The following RGS19 variants were observed in gnomAD, a reference collection of about 807,000 sequenced individuals.
RGS19 encodes regulator of G protein signaling 19, also known as G alpha interacting protein.
In RGS19, 9 loss-of-function variants were observed where a neutral mutation model predicts 22.0. The observed-to-expected ratio is 0.41, with a 90% CI of 0.25 to 0.71. The LOEUF (loss-of-function observed/expected upper bound fraction) is 0.71, where lower values mean the gene tolerates loss of function less well. RGS19 is among the 30% of genes least tolerant of loss of function. RGS19 has a pLI of 0.32. For synonymous variants in RGS19, 130 were observed against 127.3 expected (o/e 1.02, Z -0.14); for missense variants, 256 against 307.1 (o/e 0.83, Z 1.24).
chr20:64,076,487 G>A (rs750115022), intron 3 of RGS19, 38 bp downstream of exon 3: 64 of 1,610,132 alleles, frequency 4.0e-5, no homozygotes, highest in Middle Eastern at 1.7e-4. Flanking sequence ...CCATGCCCTC[G>A]ACCCCCTCGC....
At position 64,076,934 on chromosome 20, in the gene RGS19, C is replaced by A; in HGVS notation, c.-48G>T. ...AGGCTCCGTGGTACCAGCTCTCAGACCCTCACCACAGCCTGGGGGTCTGGG... is the reference window on the plus strand; with the variant it reads ...AGGCTCCGTGGTACCAGCTCTCAGAACCTCACCACAGCCTGGGGGTCTGGG... On this transcript the variant is annotated 5_prime_UTR_variant, in exon 2 of 6. Transcript: ENST00000395042. 1 of 1,475,974 alleles carries A rather than the reference C, an allele frequency of 6.8e-7. No individual in the cohort carries two copies. The highest frequency in any genetic ancestry group is 1.4e-5 in the African/African-American group (1 of 69,776). 91.4% of individuals were successfully genotyped at this position (1,475,974 alleles called of 1,614,324 possible).
intron 3 of RGS19, among the ~76,000 whole-genome samples, chr20:64,074,997 G>C (rs1199718553): frequency 6.6e-6 from 1 of 152,224 alleles, no homozygotes; most frequent in Non-Finnish European, 1.5e-5. Context: ...TGCTCCCCTG[G>C]GGGAGATGGG....
In RGS19 at chr20:64,075,231, G is replaced by A. The variant is rs545505590; in HGVS notation, c.153-690C>T. 2.0e-5 allele frequency among the ~76,000 whole-genome samples: 3 copies of A among 152,298 alleles called. No homozygotes were observed. The highest frequency in any genetic ancestry group is 7.2e-5 in the African/African-American group (3 of 41,570). Reference sequence around the variant, plus strand: ...TGGCCTGTCCCTGTCCCACCGATGGGGTCACACGCTGCAGGTCTGGCGTGT... The same window carrying A: ...TGGCCTGTCCCTGTCCCACCGATGGAGTCACACGCTGCAGGTCTGGCGTGT... On this transcript the variant is annotated intron_variant, in intron 3 of 5. Coordinates refer to ENST00000395042, the MANE Select transcript of RGS19 (RefSeq NM_005873.3). The surrounding 1 kb of genome is among the most constrained non-coding windows in gnomAD (Gnocchi z 4.6).
At chr20:64,077,379 TG>T (rs2059913849) in intron 1 of RGS19, among the ~76,000 whole-genome samples, 1 of 145,366 alleles carries the variant, frequency 6.9e-6, no homozygotes, top group Non-Finnish European at 1.5e-5. Flanking sequence ...GGGTGGGGAG[TG>T]GGCAGAGTGG....
At chr20:64,078,519 T>TC (rs977125693) in intron 1 of RGS19, among the ~76,000 whole-genome samples, 1 of 152,086 alleles carries the variant, frequency 6.6e-6, no homozygotes, top group Non-Finnish European at 1.5e-5. Flanking sequence ...CCTGAGACTG[T>TC]CCCCCTGGGC....
chr20:64,075,240 C>T lies in RGS19; in HGVS notation c.153-699G>A, dbSNP rs1208885944. Among the ~76,000 whole-genome samples, 1 of 152,244 alleles carries T rather than the reference C, an allele frequency of 6.6e-6. No homozygotes were observed. Among genetic ancestry groups the T allele is most frequent in the African/African-American group, 2.4e-5 (1 of 41,468 alleles). On this transcript the variant is annotated intron_variant, in intron 3 of 5. Transcript: ENST00000395042. This position sits in a 1 kb window ranked among gnomAD's most constrained non-coding sequence, Gnocchi z 4.6. ...CCTGTCCCACCGATGGGGTCACACG[C>T]TGCAGGTCTGGCGTGTCAGCAGTGT...
At chr20:64,076,711 C>T (rs1461820583) in intron 2 of RGS19, 65 bp from the exon 3 acceptor site, 12 of 1,530,000 alleles carry the variant, frequency 7.8e-6, no homozygotes, top group Admixed American at 1.9e-5. Context: ...ACCTCTCCCC[C>T]ACCTTCCCAT....
intron 1 of RGS19, among the ~76,000 whole-genome samples, chr20:64,077,695 G>A (rs1453981131): frequency 6.6e-6 from 1 of 152,204 alleles, no homozygotes; most frequent in Admixed American, 6.5e-5. Flanking sequence ...AGGGGTGGGG[G>A]GCACCCTGCT....
chr20:64,074,870 C>A (rs1261834751), intron 3 of RGS19, among the ~76,000 whole-genome samples: 1 of 152,220 alleles, frequency 6.6e-6, no homozygotes, highest in Non-Finnish European at 1.5e-5. Flanking sequence ...CAGGAGGGGC[C>A]CTTCGGCTCC....
rs368667335 is a variant in RGS19 at position 64,073,518 on chromosome 20, A to G, written c.*335T>C. 5 of 233,940 alleles carry G rather than the reference A, an allele frequency of 2.1e-5. No individual in the cohort carries two copies. The East Asian group carries it at 2.7e-4, about 13-fold the overall frequency. 14.5% of individuals were successfully genotyped at this position (233,940 alleles called of 1,614,324 possible). On this transcript the variant is annotated 3_prime_UTR_variant, in exon 6 of 6. Transcript: ENST00000395042. ...GCTGCCTGGGGAGGAGGCCCCAGCG[A>G]GGCTCATGGGTCCAGCATGGCTCCT...
In RGS19 at chr20:64,074,384, G is replaced by A. The variant is rs374630216; in HGVS notation, c.228-6C>T. 1.9e-6 allele frequency: 3 copies of A among 1,602,152 alleles called. No homozygotes were observed. The East Asian group carries it at 6.8e-5, about 36-fold the overall frequency. On this transcript the variant is annotated splice_polypyrimidine_tract_variant and splice_region_variant and intron_variant, in intron 4 of 5. Transcript: ENST00000395042. ...CCTCAGGACTTGGCGTGGCACTGTG[G>A]GCACGGGGGCCAGGCTATGTCAGGC...
chr20:64,078,435 T>C (rs2059926984), intron 1 of RGS19, among the ~76,000 whole-genome samples: 1 of 152,168 alleles, frequency 6.6e-6, no homozygotes, highest in South Asian at 2.1e-4. Context: ...GACGGGGCTG[T>C]CTGTGGCTTC....
Position 64,074,189 on chromosome 20 carries a change from C to A in RGS19, c.417G>T (p.Ala139=). The A allele has an allele frequency of 1.2e-6, 2 of 1,614,088 alleles. No individual in the cohort carries two copies. Among genetic ancestry groups the A allele is most frequent in the African/African-American group, 1.3e-5 (1 of 75,056 alleles). ...EANQHVVDEK[A]RLIYEDYVSI... ...ATACGTAGTCCTCGTAGATGAGCCTCGCCTTCTCGTCTACCACATGCTGGT... is the reference window on the plus strand; with the variant it reads ...ATACGTAGTCCTCGTAGATGAGCCTAGCCTTCTCGTCTACCACATGCTGGT... Residue 139 remains alanine, a synonymous_variant, in exon 5 of 6, where the codon GCG becomes GCT. Transcript: ENST00000395042.
chr20:64,076,128 A>G (rs4470390), intron 3 of RGS19, among the ~76,000 whole-genome samples: 120,868 of 152,120 alleles, frequency 0.79, 48,148 homozygotes, highest in East Asian at 0.92. Context: ...TGATCCGCCC[A>G]CCTTGCCCTC....
At position 64,073,996 on chromosome 20, in the gene RGS19, C is replaced by G. The variant is rs1489106142; in HGVS notation, c.511G>C (p.Glu171Gln). ...VREGINKKMQ[E>Q]PSAHTFDDAQ... is the part of the protein sequence containing the mutation. ...TCGTCGAACGTGTGTGCGGACGGCT[C>G]CTGCATCTTCTTGTTGATGCCCTCC... Residue 171 changes from glutamate (E) to glutamine (Q), a missense_variant, in exon 6 of 6, where the codon GAG (glutamate) becomes CAG (glutamine). Transcript: ENST00000395042. 1 of 1,613,698 alleles carries G rather than the reference C, an allele frequency of 6.2e-7. No individual in the cohort carries two copies. The highest frequency in any genetic ancestry group is 1.7e-5 in the Admixed American group (1 of 60,010).
intron 5 of RGS19, 29 bp downstream of exon 5, chr20:64,074,115 C>A: frequency 6.2e-7 from 1 of 1,605,578 alleles, no homozygotes; most frequent in Non-Finnish European, 8.5e-7. Flanking sequence ...GAGCAGGCGG[C>A]CCCCGGCCTG....
In RGS19 at chr20:64,076,901, G is replaced by T. The variant is rs751127014; in HGVS notation, c.-15C>A. 2 of 1,519,268 alleles carry T rather than the reference G, an allele frequency of 1.3e-6. No individual in the cohort carries two copies. The highest frequency in any genetic ancestry group is 2.6e-5 in the South Asian group (2 of 76,576). The allele number at this position is 1,519,268 out of a possible 1,614,324, so 94.1% of individuals were successfully genotyped here. A position where few individuals can be genotyped will look rare whatever the true frequency, so the allele number is the denominator to read the frequency against. ...GGGGTGGGCATGGGTGGGCGGAGGA[G>T]GTTGCCCAGGCTCCGTGGTACCAGC... is the stretch of plus-strand genomic sequence containing the variant. On this transcript the variant is annotated 5_prime_UTR_variant, in exon 2 of 6. Transcript: ENST00000395042.
Position 64,075,722 on chromosome 20 carries a change from C to T in RGS19, c.152+803G>A, listed in dbSNP as rs983516094. ...CCACCCTCACAGGGATGCCCAGAGA[C>T]GTCCCCGCCACCGCCCCCTGCTCTT... On this transcript the variant is annotated intron_variant, in intron 3 of 5. Transcript: ENST00000395042. This position sits in a 1 kb window ranked among gnomAD's most constrained non-coding sequence, Gnocchi z 4.6. Among the ~76,000 whole-genome samples the T allele has an allele frequency of 2.0e-5, 3 of 152,168 alleles. No homozygotes were observed. The highest frequency in any genetic ancestry group is 2.4e-5 in the African/African-American group (1 of 41,438).
chr20:64,076,913 T>C lies in RGS19; in HGVS notation c.-27A>G. On this transcript the variant is annotated 5_prime_UTR_variant, in exon 2 of 6. Transcript: ENST00000395042. ...GGTGGGCGGAGGAGGTTGCCCAGGC[T>C]CCGTGGTACCAGCTCTCAGACCCTC... is the stretch of plus-strand genomic sequence containing the variant. The C allele has an allele frequency of 6.6e-7, 1 of 1,508,078 alleles. No individual in the cohort carries two copies. The highest frequency in any genetic ancestry group is 8.8e-7 in the Non-Finnish European group (1 of 1,133,082). 93.4% of individuals were successfully genotyped at this position (1,508,078 alleles called of 1,614,324 possible).
Sources: gnomAD v4.1 joint callset for allele counts (sites outside exome capture counted in the v4.1 genomes callset) on GRCh38, gnomAD v4.1.1 for gene constraint, Gnocchi (gnomAD v3.1) non-coding constraint, MANE v1.5 for transcripts, NCBI Gene and HGNC (gene_info 2026-07-23, HGNC 2026-07-21) for gene names.